SCN1A: variants seen among roughly 807,000 people sequenced by gnomAD.
The protein encoded by SCN1A is sodium channel protein type 1 subunit alpha.
SCN1A carries 13 observed loss-of-function variants against 193.7 expected under a neutral mutation model. The observed-to-expected ratio is 0.07, with a 90% CI of 0.04 to 0.11. SCN1A has a LOEUF of 0.11. Among genes scored for constraint, SCN1A ranks in the 10% least tolerant of loss-of-function variants. The pLI is 1.00. For missense variants in SCN1A, 1,432 were observed against 2,451.1 expected (o/e 0.58, Z 8.78); for synonymous variants, 781 against 843.6 (o/e 0.93, Z 1.29).
chr2:166,050,613 G>GTACATACATACATATATATATATATA (rs1698424576), intron 9 of SCN1A, among the ~76,000 whole-genome samples: 1 of 65,382 alleles, frequency 1.5e-5, no homozygotes, highest in Non-Finnish European at 3.1e-5. Flanking sequence ...ATTAAAAAAA[G>GTACATACATACATATATATATATATA]TATATATATA....
At chr2:166,044,958 A>G in intron 13 of SCN1A, 85 bp downstream of exon 13, 1 of 1,442,774 alleles carries the variant, frequency 6.9e-7, no homozygotes, top group Non-Finnish European at 9.7e-7. Flanking sequence ...GTTGATAAAA[A>G]TTCCTGAGTC....
intron 7 of SCN1A, among the ~76,000 whole-genome samples, chr2:166,053,395 G>A (rs1397376623): frequency 2.0e-5 from 3 of 151,884 alleles, no homozygotes; most frequent in Non-Finnish European, 4.4e-5. Context: ...GTAAATCTTG[G>A]CTATGGTTTA....
chr2:166,018,613 T>A (rs1168874499), intron 19 of SCN1A, among the ~76,000 whole-genome samples: 1 of 152,092 alleles, frequency 6.6e-6, no homozygotes, highest in Admixed American at 6.5e-5. Flanking sequence ...AGAGTCTCAA[T>A]TCACAAAAAA....
chr2:166,024,820 C>T (rs1006902400), intron 19 of SCN1A, among the ~76,000 whole-genome samples: 1 of 152,056 alleles, frequency 6.6e-6, no homozygotes, highest in African/African-American at 2.4e-5. Context: ...CCACCACACC[C>T]GGCTAATTTT....
At chr2:166,040,395 T>C (rs1294195642) in intron 16 of SCN1A, among the ~76,000 whole-genome samples, 1 of 152,226 alleles carries the variant, frequency 6.6e-6, no homozygotes, top group African/African-American at 2.4e-5. Flanking sequence ...CTAGGTGCAT[T>C]ACTATTGTCA....
chr2:166,147,472 A>G (rs564947402), intron 1 of SCN1A, among the ~76,000 whole-genome samples: 78 of 152,194 alleles, frequency 5.1e-4, no homozygotes, highest in Non-Finnish European at 9.6e-4. Context: ...AAAAGAAACA[A>G]TATTAAATGC....
At chr2:166,116,265 C>A (rs1190425741) in intron 2 of SCN1A, among the ~76,000 whole-genome samples, 1 of 152,016 alleles carries the variant, frequency 6.6e-6, no homozygotes, top group Non-Finnish European at 1.5e-5. Flanking sequence ...TAGAAAAAGA[C>A]CAATAGAAAC....
Position 166,073,405 on chromosome 2 carries a change from C to A in SCN1A, c.217G>T (p.Val73Leu). 1 of 1,614,170 alleles carries A rather than the reference C, an allele frequency of 6.2e-7. No individual in the cohort carries two copies. Among genetic ancestry groups the A allele is most frequent in the Non-Finnish European group, 8.5e-7 (1 of 1,180,016 alleles). ...TCCAGGTCCTCCAGGGGCTCTGACA[C>A]CATCTCTGGAGGAATGTCTCCATAA... ...FIYGDIPPEMVSEPLEDLDPY... is the reference protein window; with the variant it reads ...FIYGDIPPEMLSEPLEDLDPY... Residue 73 changes from valine to leucine, a missense_variant, in exon 4 of 29, where the codon GTG becomes TTG. Around this residue, in one of 18 missense-constraint regions of SCN1A, gnomAD observed 123 missense variants for 282.8 expected, o/e 0.43. Coordinates refer to ENST00000674923, the MANE Select transcript of SCN1A (RefSeq NM_001165963.4).
At chr2:166,052,242 G>A (rs1698656453) in intron 8 of SCN1A, among the ~76,000 whole-genome samples, 1 of 151,934 alleles carries the variant, frequency 6.6e-6, no homozygotes, top group South Asian at 2.1e-4. Context: ...TGTTCTTCAT[G>A]GAGCCTATAT....
At chr2:166,072,726 A>T (rs1277567794) in intron 4 of SCN1A, among the ~76,000 whole-genome samples, 1 of 152,012 alleles carries the variant, frequency 6.6e-6, no homozygotes, top group Non-Finnish European at 1.5e-5. Flanking sequence ...GTACAAAAAA[A>T]TTGTATAGTA....
upstream of SCN1A, among the ~76,000 whole-genome samples, chr2:166,132,557 C>A (rs997258445): frequency 6.6e-6 from 1 of 151,966 alleles, no homozygotes; most frequent in African/African-American, 2.4e-5. Flanking sequence ...GAAAGGGAGT[C>A]AGAAATGAAT....
chr2:166,054,247 T>A (rs1036935827), intron 7 of SCN1A, among the ~76,000 whole-genome samples: 1 of 152,072 alleles, frequency 6.6e-6, no homozygotes, highest in African/African-American at 2.4e-5. Flanking sequence ...AGCAAGGTCA[T>A]TGCAAATTTG....
intron 1 of SCN1A, among the ~76,000 whole-genome samples, chr2:166,141,819 T>C (rs1307961421): frequency 6.6e-6 from 1 of 152,116 alleles, no homozygotes; most frequent in Non-Finnish European, 1.5e-5. Flanking sequence ...CTTTAAGATC[T>C]AGTCTCAGGA....
chr2:166,047,107 CT>C lies in SCN1A; in HGVS notation c.1171-132del, dbSNP rs202157655. 2,206 of 971,556 alleles carry C rather than the reference CT, an allele frequency of 2.3e-3. 15 individuals carry two copies. The highest frequency in any genetic ancestry group is 1.6e-3 in the Non-Finnish European group (1,049 of 662,118). 60.2% of individuals were successfully genotyped at this position (971,556 alleles called of 1,614,324 possible). A position where few individuals can be genotyped will look rare whatever the true frequency, so the allele number is the denominator to read the frequency against. On this transcript the variant is annotated intron_variant, in intron 11 of 28. Coordinates refer to ENST00000674923, the MANE Select transcript of SCN1A (RefSeq NM_001165963.4). ...ATTATGTTGGTCATAGCACCCTGTA[CT>C]TTTTTTTTATTGTTTCTTTAACTTC...
chr2:166,101,294 G>A (rs1688037921), intron 2 of SCN1A, among the ~76,000 whole-genome samples: 1 of 146,330 alleles, frequency 6.8e-6, no homozygotes, highest in Non-Finnish European at 1.5e-5. Flanking sequence ...TCACTCATAG[G>A]TGGGAATTGA....
At chr2:166,066,139 G>A (rs1683816355) in intron 4 of SCN1A, among the ~76,000 whole-genome samples, 1 of 151,232 alleles carries the variant, frequency 6.6e-6, no homozygotes, top group South Asian at 2.1e-4. Context: ...AAGTGCCTAG[G>A]TAGGCTTTTG....
At chr2:166,093,278 C>G (rs2106095170) in intron 2 of SCN1A, among the ~76,000 whole-genome samples, 1 of 151,332 alleles carries the variant, frequency 6.6e-6, no homozygotes, top group African/African-American at 2.4e-5. Context: ...ACTTCTCATT[C>G]CAGTTTAATC....
rs1689727784 is a variant in SCN1A at position 165,994,424 on chromosome 2, GA to G, written c.4582-9del. On this transcript the variant is annotated splice_polypyrimidine_tract_variant and intron_variant, in intron 27 of 28. Transcript: ENST00000674923. ...CATTCCTTGAAATTTGTTCTGTAGA[GA>G]AATAGAAATGCTTTTAACAACAAAG... 2 of 1,612,268 alleles carry G rather than the reference GA, an allele frequency of 1.2e-6. No individual in the cohort carries two copies. The highest frequency in any genetic ancestry group is 8.5e-7 in the Non-Finnish European group (1 of 1,178,902).
At chr2:166,087,152 A>G (rs1355912269) in intron 2 of SCN1A, among the ~76,000 whole-genome samples, 1 of 149,192 alleles carries the variant, frequency 6.7e-6, no homozygotes, top group South Asian at 2.1e-4. Flanking sequence ...GTTAGTTCTC[A>G]TGAGAACTGG....
Sources: allele counts gnomAD v4.1 joint callset (sites outside exome capture counted in the v4.1 genomes callset), GRCh38; gene constraint gnomAD v4.1.1; regional missense constraint gnomAD v4.1.1; transcripts MANE v1.5; gene names NCBI Gene and HGNC (gene_info 2026-07-23, HGNC 2026-07-21).